Variants in HEPH observed in about 807,000 individuals in gnomAD.
HEPH encodes hephaestin.
Under a neutral mutation model 80.8 loss-of-function variants are expected in HEPH, and 69 were observed. That is an observed-to-expected ratio of 0.85 (90% CI 0.70 to 1.04). HEPH has a LOEUF of 1.04. Ranked by LOEUF, HEPH falls within the 50% of genes least tolerant of loss-of-function variation. The pLI is 0.00. For missense variants in HEPH, 1,115 were observed against 891.3 expected (o/e 1.25, Z -3.20); for synonymous variants, 431 against 322.8 (o/e 1.34, Z -3.60).
intron 15 of HEPH, among the ~76,000 whole-genome samples, chrX:66,225,023 G>A (rs1230659024): frequency 1.8e-5 from 2 of 109,844 alleles, no homozygotes; most frequent in East Asian, 5.7e-4. Context: ...TGGTGGAGGG[G>A]TCTAAAACCA....
intron 15 of HEPH, among the ~76,000 whole-genome samples, chrX:66,239,939 A>G (rs1295253552): frequency 9.0e-6 from 1 of 111,581 alleles, no homozygotes; most frequent in Non-Finnish European, 1.9e-5. Context: ...CTACGTTTCT[A>G]AGCTTTATCT....
In HEPH at chrX:66,231,619, A is replaced by G. The variant is rs1264207444; in HGVS notation, c.2563+23373A>G. Among the ~76,000 whole-genome samples the G allele has an allele frequency of 3.6e-5, 4 of 109,825 alleles. No individual in the cohort carries two copies. In the East Asian group the frequency reaches 1.1e-3, roughly 32 times the overall value. On this transcript the variant is annotated intron_variant, in intron 15 of 20. Coordinates refer to ENST00000343002, the MANE Select transcript of HEPH (RefSeq NM_001367233.3). ...ATAAGAATGTTTGTGATTTTTGTACATTGATTTTGTATCCTGAGACTTTGC... is the reference window on the plus strand; with the variant it reads ...ATAAGAATGTTTGTGATTTTTGTACGTTGATTTTGTATCCTGAGACTTTGC...
chrX:66,178,664 G>C (rs1451847537), intron 4 of HEPH, among the ~76,000 whole-genome samples: 1 of 112,220 alleles, frequency 8.9e-6, no homozygotes, highest in East Asian at 2.8e-4. Flanking sequence ...GTATCTCATT[G>C]TGGTTTTGAT....
chrX:66,260,796 T>C (rs2091336539), intron 19 of HEPH, among the ~76,000 whole-genome samples: 1 of 110,539 alleles, frequency 9.0e-6, no homozygotes, highest in Non-Finnish European at 1.9e-5. Context: ...AGTAAAGGTC[T>C]TGATCTGTCA....
chrX:66,230,495 G>A (rs1390972912), intron 15 of HEPH, among the ~76,000 whole-genome samples: 1 of 108,536 alleles, frequency 9.2e-6, no homozygotes, highest in African/African-American at 3.4e-5. Context: ...GTATCTCATA[G>A]TGGTTTTGAT....
intron 20 of HEPH, among the ~76,000 whole-genome samples, chrX:66,264,647 G>A (rs2091474883): frequency 9.2e-6 from 1 of 108,804 alleles, no homozygotes. Context: ...CAGCTGTTTG[G>A]AGAAGTCTTA....
At chrX:66,259,058 T>G in intron 18 of HEPH, 79 bp downstream of exon 18, 7 of 991,965 alleles carry the variant, frequency 7.1e-6, no homozygotes, top group Non-Finnish European at 9.3e-6. Flanking sequence ...AAGGTAACAG[T>G]GTGGAACAGG....
rs1163210515 is a variant in HEPH at position 66,266,772 on chromosome X, G to A, written c.*100G>A. ...CCCCACACTCAAAGGGGCATGGGTG[G>A]TGGAGAAGCAGAAGGAGCAATCAAG... On this transcript the variant is annotated 3_prime_UTR_variant, in exon 21 of 21. Transcript: ENST00000343002. 1.0e-5 allele frequency: 5 copies of A among 501,885 alleles called. No homozygotes were observed. The Admixed American group carries it at 1.9e-4, about 19-fold the overall frequency. 41.4% of individuals were successfully genotyped at this position (501,885 alleles called of 1,213,427 possible). A position where few individuals can be genotyped will look rare whatever the true frequency, so the allele number is the denominator to read the frequency against.
rs1261417208 is a variant in HEPH at position 66,189,848 on chromosome X, A to C, written c.973A>C (p.Ile325Leu). ...TRGHHTDVAN[I>L]FPATFVTAEM... ...TGGACACCACACTGATGTGGCTAAC[A>C]TCTTTCCAGCCACCTTTGTGACTGC... The change falls in exon 6 of 21, where the codon ATC becomes CTC. Residue 325 changes from isoleucine (I) to leucine (L), a missense_variant. By Grantham distance (5) the Ile-to-Leu change is conservative (BLOSUM62 2). Transcript: ENST00000343002. 1 of 1,208,293 alleles carries C rather than the reference A, an allele frequency of 8.3e-7. No individual in the cohort carries two copies. The highest frequency in any genetic ancestry group is 1.8e-5 in the South Asian group (1 of 56,497).
intron 12 of HEPH, among the ~76,000 whole-genome samples, 199 bp from the exon 13 acceptor site, chrX:66,203,165 G>A (rs1339655712): frequency 9.1e-6 from 1 of 109,413 alleles, no homozygotes; most frequent in Non-Finnish European, 1.9e-5. Context: ...CTTTGGAGCC[G>A]GAGCTCTTAA....
chrX:66,191,550 A>G (rs2087791381), intron 6 of HEPH, among the ~76,000 whole-genome samples: 1 of 112,183 alleles, frequency 8.9e-6, no homozygotes, highest in African/African-American at 3.2e-5. Context: ...ATTGTGACGC[A>G]ATGTAGTATA....
intron 3 of HEPH, 104 bp downstream of exon 3, chrX:66,172,703 C>G (rs2086641629): frequency 1.1e-6 from 1 of 893,891 alleles, no homozygotes; most frequent in South Asian, 3.0e-5. Context: ...TCTTTTCTTC[C>G]TATTTATCTG....
Position 66,224,488 on chromosome X carries a change from C to T in HEPH, c.2563+16242C>T, listed in dbSNP as rs113621229. On this transcript the variant is annotated intron_variant, in intron 15 of 20. Transcript: ENST00000343002. ...TTTTCAGTGGTTAATGTTAAATCAT[C>T]CTTTTCTTTTATTGCCTTAGGATAC... is the stretch of plus-strand genomic sequence containing the variant. Among the ~76,000 whole-genome samples the T allele has an allele frequency of 8.5e-3, 948 of 112,133 alleles. 16 individuals are homozygous for T. Among genetic ancestry groups the T allele is most frequent in the African/African-American group, 0.03 (917 of 30,885 alleles).
intron 10 of HEPH, 75 bp from the exon 11 acceptor site, chrX:66,198,803 A>T (rs2088254397): frequency 1.3e-6 from 1 of 770,060 alleles, no homozygotes; most frequent in South Asian, 2.7e-5. Context: ...GCATCCCTTG[A>T]TCTGTAACGA....
rs202097805 is a variant in HEPH, at chrX:66,166,297, G to A, written c.-14+1827G>A. Reference sequence around the variant, plus strand: ...CAACCTCCGCCTCCCAGGTTCAAGCGATTCTCCTGCCTCAGCCTCCCGAGT... The same window carrying A: ...CAACCTCCGCCTCCCAGGTTCAAGCAATTCTCCTGCCTCAGCCTCCCGAGT... On this transcript the variant is annotated intron_variant, in intron 1 of 20. Transcript: ENST00000343002. Among the ~76,000 whole-genome samples the A allele has an allele frequency of 9.0e-5, 10 of 111,381 alleles. No individual in the cohort carries two copies. The East Asian group carries it at 2.3e-3, about 25-fold the overall frequency.
chrX:66,261,998 G>A (rs2091379574), intron 19 of HEPH, among the ~76,000 whole-genome samples: 1 of 112,360 alleles, frequency 8.9e-6, no homozygotes, highest in Admixed American at 9.4e-5. Flanking sequence ...TCCAATATAT[G>A]AGACCATTTC....
chrX:66,206,885 C>T (rs368497728), intron 13 of HEPH, among the ~76,000 whole-genome samples: 3 of 109,731 alleles, frequency 2.7e-5, no homozygotes, highest in South Asian at 4.0e-4. Flanking sequence ...GGCGTGGTGG[C>T]GCATGCCTGT....
At chrX:66,208,352 C>A (rs2088909115) in intron 15 of HEPH, 106 bp downstream of exon 15, 1 of 803,280 alleles carries the variant, frequency 1.2e-6, no homozygotes. Context: ...GGAGTGATAG[C>A]TCATTCCTGT....
chrX:66,257,945 TG>T (rs2091234535), intron 17 of HEPH, among the ~76,000 whole-genome samples: 1 of 112,212 alleles, frequency 8.9e-6, no homozygotes, highest in South Asian at 3.7e-4. Flanking sequence ...GCATAGGATG[TG>T]GCCTGGGAAG....
Sources: gnomAD v4.1 joint callset for allele counts (sites outside exome capture counted in the v4.1 genomes callset) on GRCh38, gnomAD v4.1.1 for gene constraint, MANE v1.5 for transcripts, NCBI Gene and HGNC (gene_info 2026-07-23, HGNC 2026-07-21) for gene names.